RAP1GAP: variants seen among roughly 807,000 people sequenced by gnomAD.
The protein encoded by RAP1GAP is RAP1 GTPase activating protein, also known as rap1 GTPase-activating protein 1.
A neutral mutation model predicts 87.2 loss-of-function variants in RAP1GAP; 35 were observed. That is an observed-to-expected ratio of 0.40 (90% confidence interval 0.31 to 0.53). The LOEUF (loss-of-function observed/expected upper bound fraction) is 0.53, where lower values mean the gene tolerates loss of function less well. Among genes scored for constraint, RAP1GAP ranks in the 20% least tolerant of loss-of-function variants. The pLI is 0.48. For missense variants in RAP1GAP, 734 were observed against 898.9 expected (o/e 0.82, Z 2.35); for synonymous variants, 375 against 363.9 (o/e 1.03, Z -0.35).
chr1:21,627,466 G>A (rs376462036), intron 2 of RAP1GAP, among the ~76,000 whole-genome samples: 4 of 146,740 alleles, frequency 2.7e-5, no homozygotes, highest in East Asian at 4.0e-4. Context: ...CCAGGCTGGC[G>A]TGCAAATGGC....
chr1:21,624,447 G>A (rs1052157029), intron 3 of RAP1GAP, among the ~76,000 whole-genome samples: 3 of 152,146 alleles, frequency 2.0e-5, no homozygotes, highest in African/African-American at 7.2e-5. Context: ...CACTGGCAGA[G>A]GAAGGTCACC....
intron 2 of RAP1GAP, among the ~76,000 whole-genome samples, chr1:21,636,756 G>A (rs1209809390): frequency 6.6e-6 from 1 of 151,720 alleles, no homozygotes; most frequent in Non-Finnish European, 1.5e-5. Flanking sequence ...GCAGTGAGCC[G>A]AGATCATGCC....
chr1:21,652,123 G>A (rs1239743581), intron 1 of RAP1GAP, among the ~76,000 whole-genome samples: 2 of 42,766 alleles, frequency 4.7e-5, no homozygotes, highest in East Asian at 5.5e-4. Context: ...CCCGGCCGCC[G>A]CCCCCCGTCC....
Position 21,613,930 on chromosome 1 carries a change from G to T in RAP1GAP, c.395+56C>A. 1 of 1,400,866 alleles carries T rather than the reference G, an allele frequency of 7.1e-7. No homozygotes were observed. Among genetic ancestry groups the T allele is most frequent in the Non-Finnish European group, 9.9e-7 (1 of 1,007,336 alleles). The allele number at this position is 1,400,866 out of a possible 1,614,324, so 86.8% of individuals were successfully genotyped here. A position where few individuals can be genotyped will look rare whatever the true frequency, so the allele number is the denominator to read the frequency against. ...GAGTGGGTCAAATGAGATGGGCTCT[G>T]AGATTGTAAGACCTCAGCCCTTCCT... On this transcript the variant is annotated intron_variant, in intron 8 of 24. Transcript: ENST00000374765. The surrounding 1 kb of genome is among the most constrained non-coding windows in gnomAD (Gnocchi z 4.7).
chr1:21,611,601 G>C lies in RAP1GAP; in HGVS notation c.714-20C>G, dbSNP rs771578016. 1 of 1,613,998 alleles carries C rather than the reference G, an allele frequency of 6.2e-7. No individual in the cohort carries two copies. Among genetic ancestry groups the C allele is most frequent in the Non-Finnish European group, 8.5e-7 (1 of 1,179,960 alleles). Reference sequence around the variant, plus strand: ...CGGAACCTGCCCCGGGGCCCCCCAGGCCACGCCTCAGTCTCCAGCCCTGGC... The same window carrying C: ...CGGAACCTGCCCCGGGGCCCCCCAGCCCACGCCTCAGTCTCCAGCCCTGGC... On this transcript the variant is annotated intron_variant, in intron 12 of 24. Coordinates refer to ENST00000374765, the MANE Select transcript of RAP1GAP (RefSeq NM_002885.4).
chr1:21,602,974 A>T (rs893609257), intron 18 of RAP1GAP, 61 bp from the exon 19 acceptor site: 9 of 1,269,744 alleles, frequency 7.1e-6, no homozygotes, highest in Non-Finnish European at 1.0e-5. Context: ...CCCCCCCCAC[A>T]TCCCCTCTGG....
intron 1 of RAP1GAP, among the ~76,000 whole-genome samples, chr1:21,653,832 A>G (rs3767124): frequency 0.4 from 60,425 of 151,686 alleles, 12,337 homozygotes; most frequent in South Asian, 0.46. Flanking sequence ...ACATGGACCT[A>G]TACCTCGCCA....
At chr1:21,608,388 G>T in intron 16 of RAP1GAP, 38 bp from the exon 17 acceptor site, 1 of 1,595,888 alleles carries the variant, frequency 6.3e-7, no homozygotes. Flanking sequence ...GGGACCCCAA[G>T]GATCAGCCCT....
At chr1:21,657,072 A>G (rs1360609598) in intron 1 of RAP1GAP, among the ~76,000 whole-genome samples, 1 of 152,256 alleles carries the variant, frequency 6.6e-6, no homozygotes, top group Non-Finnish European at 1.5e-5. Context: ...ACAACTGCAC[A>G]CAAACTTTCC....
At chr1:21,637,916 C>T (rs1161471059) in intron 2 of RAP1GAP, among the ~76,000 whole-genome samples, 1 of 141,420 alleles carries the variant, frequency 7.1e-6, no homozygotes, top group Non-Finnish European at 1.5e-5. Flanking sequence ...AGGCGGATCT[C>T]TTGGAGCCAG....
rs765553120 is a variant in RAP1GAP, at chr1:21,609,570, C to T, written c.1071+5G>A. 1 of 1,527,986 alleles carries T rather than the reference C, an allele frequency of 6.5e-7. No homozygotes were observed. The highest frequency in any genetic ancestry group is 8.8e-7 in the Non-Finnish European group (1 of 1,133,470). 94.7% of individuals were successfully genotyped at this position (1,527,986 alleles called of 1,614,324 possible). A position where few individuals can be genotyped will look rare whatever the true frequency, so the allele number is the denominator to read the frequency against. On this transcript the variant is annotated splice_donor_5th_base_variant and intron_variant, in intron 15 of 24. Coordinates refer to ENST00000374765, the MANE Select transcript of RAP1GAP (RefSeq NM_002885.4). This position sits in a 1 kb window ranked among gnomAD's most constrained non-coding sequence, Gnocchi z 4.4. ...TCTGCCCATGACTGGGGGGGTGCCC[C>T]TCACCTTCCTGAACACAGCGGGGTC...
Position 21,667,718 on chromosome 1 carries a change from C to G in RAP1GAP, c.-149+1536G>C, listed in dbSNP as rs116805894. The G allele has an allele frequency of 1.5e-3, 232 of 152,430 alleles. 2 individuals carry two copies. Among genetic ancestry groups the G allele is most frequent in the African/African-American group, 5.3e-3 (220 of 41,562 alleles). 9.4% of individuals were successfully genotyped at this position (152,430 alleles called of 1,614,324 possible). On this transcript the variant is annotated intron_variant, in intron 1 of 24. Coordinates refer to ENST00000374765, the MANE Select transcript of RAP1GAP (RefSeq NM_002885.4). ...AGAGTCAGAGTACCACGATTCTAGA[C>G]CTTGCTGAAGGTGACTAGGTGACCT...
At chr1:21,624,190 G>A (rs1324823943) in intron 3 of RAP1GAP, among the ~76,000 whole-genome samples, 1 of 152,184 alleles carries the variant, frequency 6.6e-6, no homozygotes, top group East Asian at 1.9e-4. Context: ...GTAGGGAGGA[G>A]GGAAGGAGGG....
At chr1:21,618,887 C>T (rs150275476) in intron 5 of RAP1GAP, 138 bp downstream of exon 5, 32,428 of 1,005,764 alleles carry the variant, frequency 0.032, 634 homozygotes, top group Non-Finnish European at 0.038. Context: ...GTGCCTCCCC[C>T]CCTACCCCCG....
intron 1 of RAP1GAP, among the ~76,000 whole-genome samples, chr1:21,663,870 A>G (rs1558938371): frequency 6.6e-6 from 1 of 152,164 alleles, no homozygotes; most frequent in Non-Finnish European, 1.5e-5. Flanking sequence ...CAGCAGATCC[A>G]CCGTCTCAGG....
chr1:21,664,114 G>GGT (rs1382118539), intron 1 of RAP1GAP, among the ~76,000 whole-genome samples: 1 of 152,206 alleles, frequency 6.6e-6, no homozygotes, highest in African/African-American at 2.4e-5. Context: ...CGGAACACAA[G>GGT]GTTCCTGACT....
intron 20 of RAP1GAP, among the ~76,000 whole-genome samples, chr1:21,600,768 C>T (rs1359596639): frequency 6.7e-6 from 1 of 149,356 alleles, no homozygotes; most frequent in Non-Finnish European, 1.5e-5. Flanking sequence ...ACCTGTAGTC[C>T]CAGCTACTTG....
chr1:21,646,017 C>T (rs1033085831), intron 2 of RAP1GAP, among the ~76,000 whole-genome samples: 2 of 152,188 alleles, frequency 1.3e-5, no homozygotes, highest in Non-Finnish European at 2.9e-5. Flanking sequence ...GACTGCATGC[C>T]CCTGGGCCAC....
Position 21,613,305 on chromosome 1 carries a change from G to T in RAP1GAP, c.475-76C>A. ...GGATGGGGCTGCCTGGGCCTCCCTG[G>T]TCAAGGTCTGGGGAGGAGCCATGCT... On this transcript the variant is annotated intron_variant, in intron 9 of 24. Coordinates refer to ENST00000374765, the MANE Select transcript of RAP1GAP (RefSeq NM_002885.4). This position sits in a 1 kb window ranked among gnomAD's most constrained non-coding sequence, Gnocchi z 4.7. The T allele has an allele frequency of 7.4e-7, 1 of 1,353,898 alleles. No homozygotes were observed. Among genetic ancestry groups the T allele is most frequent in the Non-Finnish European group, 1.1e-6 (1 of 944,728 alleles). The allele number at this position is 1,353,898 out of a possible 1,614,324, so 83.9% of individuals were successfully genotyped here.
Sources: gnomAD v4.1 joint callset for allele counts (sites outside exome capture counted in the v4.1 genomes callset) on GRCh38, gnomAD v4.1.1 for gene constraint, Gnocchi (gnomAD v3.1) non-coding constraint, MANE v1.5 for transcripts, NCBI Gene and HGNC (gene_info 2026-07-23, HGNC 2026-07-21) for gene names.